Variants in GRM3 observed in about 807,000 individuals in gnomAD.
GRM3 encodes the protein glutamate metabotropic receptor 3.
In GRM3, 26 loss-of-function variants were observed where a neutral mutation model predicts 70.5. The ratio of observed to expected loss-of-function variants is 0.37; its 90% CI spans 0.27 to 0.51. The LOEUF is 0.51. Ranked by LOEUF, GRM3 falls within the 20% of genes least tolerant of loss-of-function variation. GRM3 has a pLI of 0.93. For synonymous variants in GRM3, 443 were observed against 434.9 expected, an observed-to-expected ratio of 1.02 and a Z score of -0.23; for missense variants, 859 against 1,123.8, an observed-to-expected ratio of 0.76 and a Z score of 3.37.
At chr7:86,733,329 A>AG (rs1795782480) in intron 1 of GRM3, among the ~76,000 whole-genome samples, 1 of 151,480 alleles carries the variant, frequency 6.6e-6, no homozygotes, top group Admixed American at 6.6e-5. Flanking sequence ...AAAAAAAAAA[A>AG]GAATGGCTGA....
intron 2 of GRM3, among the ~76,000 whole-genome samples, chr7:86,778,708 T>C (rs747556766): frequency 6.6e-5 from 10 of 152,126 alleles, no homozygotes; most frequent in Non-Finnish European, 1.0e-4. Flanking sequence ...GCACAACATG[T>C]GATAAATCAA....
Position 86,795,816 on chromosome 7 carries a change from TG to T in GRM3, c.1324+8701del, listed in dbSNP as rs1445753546. ...TTCTGGTTCAAGGTCTTTGAGGAAT[TG>T]CCACACTGTCTTCCACAATGGTTGA... is the stretch of plus-strand genomic sequence containing the variant. On this transcript the variant is annotated intron_variant, in intron 3 of 5. Transcript: ENST00000361669. Among the ~76,000 whole-genome samples, 3 of 152,304 alleles carry T rather than the reference TG, an allele frequency of 2.0e-5. No individual in the cohort carries two copies. In the East Asian group the frequency reaches 5.8e-4, roughly 29 times the overall value.
intron 1 of GRM3, among the ~76,000 whole-genome samples, chr7:86,731,944 A>C (rs1171982111): frequency 1.3e-5 from 2 of 152,144 alleles, no homozygotes; most frequent in Non-Finnish European, 2.9e-5. Flanking sequence ...TGGCTAGCTT[A>C]TAGGAAATAA....
intron 1 of GRM3, among the ~76,000 whole-genome samples, chr7:86,670,990 T>G (rs774944191): frequency 2.6e-5 from 4 of 152,240 alleles, no homozygotes; most frequent in Non-Finnish European, 5.9e-5. Flanking sequence ...TTATCTCAAA[T>G]GTAGCTTTCA....
rs1390153261 is a variant in GRM3 at position 86,644,419 on chromosome 7, A to G, written c.-594A>G. 8.9e-6 allele frequency: 3 copies of G among 338,376 alleles called. No individual in the cohort carries two copies. The highest frequency in any genetic ancestry group is 1.7e-5 in the Non-Finnish European group (3 of 172,440). 21.0% of individuals were successfully genotyped at this position (338,376 alleles called of 1,614,324 possible). A position where few individuals can be genotyped will look rare whatever the true frequency, so the allele number is the denominator to read the frequency against. ...AGATGCGACGGCTTCAGCCTGGTCA[A>G]GGTGAAGGAAAGTTGCTTCCGCGCC... On this transcript the variant is annotated 5_prime_UTR_variant, in exon 1 of 6. Transcript: ENST00000361669.
At chr7:86,775,768 T>C (rs1345629161) in intron 2 of GRM3, among the ~76,000 whole-genome samples, 2 of 152,074 alleles carry the variant, frequency 1.3e-5, no homozygotes, top group African/African-American at 4.8e-5. Flanking sequence ...TCTCTGTCTT[T>C]GTGTTCTCTC....
intron 1 of GRM3, among the ~76,000 whole-genome samples, chr7:86,667,902 C>CAGA (rs1226190440): frequency 6.6e-6 from 1 of 152,084 alleles, no homozygotes; most frequent in African/African-American, 2.4e-5. Flanking sequence ...ACTCAATGAA[C>CAGA]AGAAGGCTCT....
At position 86,864,449 on chromosome 7, in the gene GRM3, C is replaced by T; in HGVS notation, c.*94C>T. The T allele has an allele frequency of 1.2e-6, 1 of 864,332 alleles. No individual in the cohort carries two copies. The highest frequency in any genetic ancestry group is 1.7e-5 in the Admixed American group (1 of 58,396). The allele number at this position is 864,332 out of a possible 1,614,324, so 53.5% of individuals were successfully genotyped here. On this transcript the variant is annotated 3_prime_UTR_variant, in exon 6 of 6. Coordinates refer to ENST00000361669, the MANE Select transcript of GRM3 (RefSeq NM_000840.3). ...ATATGGAAACAGAGCAAAAGAACAACCCTAGTACCTTTTTTTAGAAACAGT... is the reference window on the plus strand; with the variant it reads ...ATATGGAAACAGAGCAAAAGAACAATCCTAGTACCTTTTTTTAGAAACAGT...
chr7:86,649,677 A>G (rs994975208), intron 1 of GRM3, among the ~76,000 whole-genome samples: 10 of 152,160 alleles, frequency 6.6e-5, no homozygotes, highest in Non-Finnish European at 1.5e-4. Context: ...GATGCTAGAT[A>G]CATAGTTTGA....
chr7:86,839,353 A>G lies in GRM3; in HGVS notation c.1839A>G (p.Glu613=). 6.2e-7 allele frequency: 1 copy of G among 1,613,862 alleles called. No individual in the cohort carries two copies. The highest frequency in any genetic ancestry group is 8.5e-7 in the Non-Finnish European group (1 of 1,179,936). Residue 613 remains glutamate (E), a synonymous_variant, in exon 4 of 6, where the codon GAA becomes GAG. Coordinates refer to ENST00000361669, the MANE Select transcript of GRM3 (RefSeq NM_000840.3). This position sits in a 1 kb window ranked among gnomAD's most constrained non-coding sequence, Gnocchi z 4.5. Reference sequence around the variant, plus strand: ...CCTTGGTCAAAGCATCGGGCCGAGAACTCTGCTACATCTTATTGTTTGGGG... The same window carrying G: ...CCTTGGTCAAAGCATCGGGCCGAGAGCTCTGCTACATCTTATTGTTTGGGG... ...NTPLVKASGR[E]LCYILLFGVG... is the part of the protein sequence containing the mutation.
rs10256156 is a variant in GRM3, at chr7:86,704,811, C to T, written c.-141+59939C>T. On this transcript the variant is annotated intron_variant, in intron 1 of 5. Coordinates refer to ENST00000361669, the MANE Select transcript of GRM3 (RefSeq NM_000840.3). The stretch of plus-strand genomic sequence containing the variant: ...AATTTCTTTAGAGATTACCTTTCCT[C>T]GTTCTGTTCAGACTGTATCAAACAT... 2.3e-3 allele frequency among the ~76,000 whole-genome samples: 356 copies of T among 152,004 alleles called. 2 individuals are homozygous for T. The highest frequency in any genetic ancestry group is 7.9e-3 in the African/African-American group (329 of 41,528).
intron 5 of GRM3, among the ~76,000 whole-genome samples, chr7:86,852,375 T>G (rs1562882817): frequency 6.6e-6 from 1 of 152,210 alleles, no homozygotes; most frequent in Admixed American, 6.5e-5. Flanking sequence ...CTAATGCATA[T>G]GCTGGGAATT....
intron 5 of GRM3, among the ~76,000 whole-genome samples, chr7:86,851,261 A>G (rs558079760): frequency 5.3e-5 from 8 of 152,310 alleles, no homozygotes; most frequent in African/African-American, 1.7e-4. Flanking sequence ...TCAGCTTAGA[A>G]GGCAGTGTGA....
intron 1 of GRM3, among the ~76,000 whole-genome samples, chr7:86,729,888 A>G (rs1186781004): frequency 6.6e-6 from 1 of 151,940 alleles, no homozygotes; most frequent in Non-Finnish European, 1.5e-5. Flanking sequence ...TGGGTGGATC[A>G]TGAAGTCAAG....
chr7:86,657,162 C>G (rs1333885697), intron 1 of GRM3, among the ~76,000 whole-genome samples: 4 of 152,088 alleles, frequency 2.6e-5, no homozygotes, highest in African/African-American at 4.8e-5. Context: ...TGACATCAAC[C>G]TAATGACATA....
intron 1 of GRM3, among the ~76,000 whole-genome samples, chr7:86,675,814 T>C (rs1437389826): frequency 1.3e-5 from 2 of 151,822 alleles, no homozygotes; most frequent in African/African-American, 4.9e-5. Context: ...TAGATTCAAA[T>C]GTCTCAGAAT....
At chr7:86,783,183 A>G (rs190121761) in intron 2 of GRM3, among the ~76,000 whole-genome samples, 24 of 152,310 alleles carry the variant, frequency 1.6e-4, no homozygotes, top group Admixed American at 1.0e-3. Context: ...GTTAAAAGGA[A>G]AGTTCCTGCT....
chr7:86,681,935 A>T (rs1225439023), intron 1 of GRM3, among the ~76,000 whole-genome samples: 1 of 152,232 alleles, frequency 6.6e-6, no homozygotes, highest in Non-Finnish European at 1.5e-5. Context: ...AGAAGTGAAG[A>T]TTCACAGGTA....
intron 3 of GRM3, among the ~76,000 whole-genome samples, chr7:86,809,745 G>T (rs1354464936): frequency 6.6e-6 from 1 of 152,030 alleles, no homozygotes; most frequent in African/African-American, 2.4e-5. Flanking sequence ...AGTCTCCTGG[G>T]AAAGGCAAGC....
Sources: gnomAD v4.1 joint callset for allele counts (sites outside exome capture counted in the v4.1 genomes callset) on GRCh38, gnomAD v4.1.1 for gene constraint, Gnocchi (gnomAD v3.1) non-coding constraint, MANE v1.5 for transcripts, NCBI Gene and HGNC (gene_info 2026-07-23, HGNC 2026-07-21) for gene names.